PDE4D: variants seen among roughly 807,000 people sequenced by gnomAD.
PDE4D encodes the protein phosphodiesterase 4D, also known as 3',5'-cyclic-AMP phosphodiesterase 4D.
A neutral mutation model predicts 87.4 loss-of-function variants in PDE4D; 24 were observed. The ratio of observed to expected loss-of-function variants is 0.27; its 90% confidence interval spans 0.20 to 0.39. The LOEUF (loss-of-function observed/expected upper bound fraction) is 0.39. PDE4D is among the 10% of genes least tolerant of loss of function. The probability of loss-of-function intolerance (pLI) is 1.00; values close to 1 mark genes in which losing one functional copy is unlikely to be tolerated. For missense variants in PDE4D, 714 were observed against 1,041.0 expected, an observed-to-expected ratio of 0.69 and a Z score of 4.32; for synonymous variants, 384 against 383.2, an observed-to-expected ratio of 1.00 and a Z score of -0.02.
intron 2 of PDE4D, among the ~76,000 whole-genome samples, chr5:60,132,989 A>C (rs571299599): frequency 6.6e-6 from 1 of 152,324 alleles, no homozygotes; most frequent in South Asian, 2.1e-4. Context: ...GTTCCAAACC[A>C]TAGTGTAGTC....
chr5:59,557,935 C>T (rs1408107019), intron 1 of PDE4D, among the ~76,000 whole-genome samples: 1 of 152,126 alleles, frequency 6.6e-6, no homozygotes, highest in Non-Finnish European at 1.5e-5. Flanking sequence ...GGTCTAGAGA[C>T]ATTAAAATCA....
chr5:59,789,707 G>C (rs1765573823), intron 1 of PDE4D, among the ~76,000 whole-genome samples: 1 of 152,172 alleles, frequency 6.6e-6, no homozygotes, highest in African/African-American at 2.4e-5. Flanking sequence ...AGTTCCATTA[G>C]TTCTAGGTCT....
rs565016229 is a variant in PDE4D, at chr5:60,313,542, C to A, written c.-89-127855G>T. On this transcript the variant is annotated intron_variant, in intron 1 of 16. Transcript: ENST00000502484. ...TGGTACAATTCTATCTGAAACTATT[C>A]AAAAAAACTGACTAGGAGGGACTCC... Among the ~76,000 whole-genome samples, 17 of 152,174 alleles carry A rather than the reference C, an allele frequency of 1.1e-4. No homozygotes were observed. In the South Asian group the frequency reaches 2.9e-3, roughly 26 times the overall value.
chr5:59,178,793 A>G (rs1356035553), intron 5 of PDE4D, among the ~76,000 whole-genome samples: 3 of 152,196 alleles, frequency 2.0e-5, no homozygotes, highest in Non-Finnish European at 4.4e-5. Flanking sequence ...TTCTGCCCAA[A>G]TAGCAATGTC....
At chr5:60,167,342 A>C (rs1235972985) in intron 2 of PDE4D, among the ~76,000 whole-genome samples, 1 of 136,144 alleles carries the variant, frequency 7.3e-6, no homozygotes, top group Non-Finnish European at 1.5e-5. Context: ...ATCTCGGCTC[A>C]CTGCAGGCTC....
At chr5:60,078,357 T>C (rs1773548129) in intron 2 of PDE4D, among the ~76,000 whole-genome samples, 1 of 152,200 alleles carries the variant, frequency 6.6e-6, no homozygotes, top group African/African-American at 2.4e-5. Context: ...GTATCCCATA[T>C]GTTTTGGTAT....
At chr5:60,148,324 C>T (rs2149435811) in intron 2 of PDE4D, among the ~76,000 whole-genome samples, 1 of 152,088 alleles carries the variant, frequency 6.6e-6, no homozygotes, top group Non-Finnish European at 1.5e-5. Flanking sequence ...AAAAATATTC[C>T]ACAAAAGTAA....
chr5:59,112,030 A>T (rs1430288274), intron 5 of PDE4D, among the ~76,000 whole-genome samples: 1 of 152,220 alleles, frequency 6.6e-6, no homozygotes, highest in Non-Finnish European at 1.5e-5. Context: ...ACAAGCACTC[A>T]TACATACAAT....
Position 59,413,240 on chromosome 5 carries a change from G to A in PDE4D, c.456-197272C>T, listed in dbSNP as rs34681204. 5.6e-3 allele frequency among the ~76,000 whole-genome samples: 855 copies of A among 152,024 alleles called. 4 individuals are homozygous for A. The highest frequency in any genetic ancestry group is 0.024 in the Middle Eastern group (7 of 294). On this transcript the variant is annotated intron_variant, in intron 1 of 14. Transcript: ENST00000340635. ...TGGGAGGCCAAGGTGGGCGGATCAC[G>A]AGGTCAGGAGATCGAGACCATCCTG...
chr5:59,157,063 G>A (rs556654502), intron 5 of PDE4D: 10 of 336,224 alleles, frequency 3.0e-5, no homozygotes, highest in African/African-American at 8.7e-5. Flanking sequence ...GTTTTTTCCC[G>A]TAAGGTCAAG....
chr5:60,445,387 A>C (rs1298292127), intron 1 of PDE4D, among the ~76,000 whole-genome samples: 1 of 152,204 alleles, frequency 6.6e-6, no homozygotes, highest in Non-Finnish European at 1.5e-5. Context: ...CAAAGGATAG[A>C]TTATTCAACA....
chr5:59,948,873 C>T (rs1469207888), intron 3 of PDE4D, among the ~76,000 whole-genome samples: 1 of 152,216 alleles, frequency 6.6e-6, no homozygotes, highest in African/African-American at 2.4e-5. Context: ...AAGCAAGTTA[C>T]AATCTCCTTG....
intron 3 of PDE4D, among the ~76,000 whole-genome samples, chr5:59,189,127 T>C (rs976398714): frequency 1.3e-5 from 2 of 152,118 alleles, no homozygotes; most frequent in African/African-American, 4.8e-5. Context: ...AACTAAATGG[T>C]AATATTCTAT....
intron 5 of PDE4D, among the ~76,000 whole-genome samples, chr5:59,149,064 T>C (rs958431118): frequency 6.6e-6 from 1 of 152,066 alleles, no homozygotes; most frequent in Non-Finnish European, 1.5e-5. Flanking sequence ...CATCAGCTCA[T>C]GGGATTTGGT....
intron 1 of PDE4D, among the ~76,000 whole-genome samples, chr5:59,658,531 G>A (rs898680653): frequency 7.2e-5 from 11 of 152,210 alleles, no homozygotes; most frequent in East Asian, 5.8e-4. Context: ...GCAGGCGCCC[G>A]CCACTGCGCC....
chr5:59,090,356 T>C (rs1460719494), intron 5 of PDE4D, among the ~76,000 whole-genome samples: 1 of 152,122 alleles, frequency 6.6e-6, no homozygotes, highest in Non-Finnish European at 1.5e-5. Context: ...ACAACCTGAA[T>C]TCTGTTCGCA....
chr5:59,402,920 T>A (rs1321874938), intron 1 of PDE4D, among the ~76,000 whole-genome samples: 1 of 152,172 alleles, frequency 6.6e-6, no homozygotes, highest in Non-Finnish European at 1.5e-5. Context: ...TAAATAAACA[T>A]TCAGTGTTCT....
At chr5:60,000,436 G>A (rs1763918107) in intron 2 of PDE4D, among the ~76,000 whole-genome samples, 1 of 152,168 alleles carries the variant, frequency 6.6e-6, no homozygotes, top group African/African-American at 2.4e-5. Flanking sequence ...TATATTCAAA[G>A]TGCTGAAAGA....
chr5:60,375,929 C>T (rs1206101067), intron 1 of PDE4D, among the ~76,000 whole-genome samples: 1 of 152,116 alleles, frequency 6.6e-6, no homozygotes, highest in Non-Finnish European at 1.5e-5. Flanking sequence ...GTCCCAGCTA[C>T]TTGGGAGGCT....
Sources: gnomAD v4.1 joint callset for allele counts (sites outside exome capture counted in the v4.1 genomes callset) on GRCh38, gnomAD v4.1.1 for gene constraint, MANE v1.5 for transcripts, NCBI Gene and HGNC (gene_info 2026-07-23, HGNC 2026-07-21) for gene names.